Variants in PTPRD observed in about 807,000 individuals in gnomAD.
PTPRD encodes the protein receptor-type tyrosine-protein phosphatase delta.
PTPRD carries 34 observed loss-of-function variants against 214.5 expected under a neutral mutation model. The observed-to-expected ratio is 0.16, with a 90% CI of 0.12 to 0.21. The LOEUF is 0.21. Among genes scored for constraint, PTPRD ranks in the 10% least tolerant of loss-of-function variants. PTPRD has a pLI of 1.00. For missense variants in PTPRD, 2,545 were observed against 2,398.7 expected (o/e 1.06, Z -1.27); for synonymous variants, 1,128 against 845.7 (o/e 1.33, Z -5.79).
chr9:8,358,616 T>C (rs1047881856), intron 39 of PTPRD, among the ~76,000 whole-genome samples: 6 of 152,190 alleles, frequency 3.9e-5, no homozygotes, highest in Admixed American at 1.3e-4. Context: ...TTTTAAATAA[T>C]AGCTTCTTGA....
intron 11 of PTPRD, among the ~76,000 whole-genome samples, chr9:8,821,711 G>T (rs929323205): frequency 1.3e-5 from 2 of 152,158 alleles, no homozygotes; most frequent in African/African-American, 4.8e-5. Flanking sequence ...TGTTGCCCAG[G>T]CTGGATTGCA....
At chr9:9,482,158 T>G (rs991787451) in intron 8 of PTPRD, among the ~76,000 whole-genome samples, 1 of 151,912 alleles carries the variant, frequency 6.6e-6, no homozygotes, top group African/African-American at 2.4e-5. Flanking sequence ...GTAAGATCTT[T>G]TGGGGAGAGG....
chr9:10,390,923 T>G (rs1245023107), intron 2 of PTPRD, among the ~76,000 whole-genome samples: 16 of 151,842 alleles, frequency 1.1e-4, no homozygotes, highest in Admixed American at 1.1e-3. Context: ...ATTGGTCCAC[T>G]ACCAACATCT....
chr9:8,393,465 T>C (rs1157605700), intron 36 of PTPRD, among the ~76,000 whole-genome samples: 1 of 152,146 alleles, frequency 6.6e-6, no homozygotes, highest in Non-Finnish European at 1.5e-5. Flanking sequence ...GCGAAGGAGC[T>C]ATTAAAACAG....
intron 3 of PTPRD, among the ~76,000 whole-genome samples, chr9:10,286,889 G>A (rs1049550096): frequency 1.3e-5 from 2 of 152,216 alleles, no homozygotes; most frequent in South Asian, 2.1e-4. Context: ...ATAACCCACC[G>A]TGCACAGCCT....
At chr9:8,531,466 G>A (rs1345848771) in intron 14 of PTPRD, among the ~76,000 whole-genome samples, 2 of 151,974 alleles carry the variant, frequency 1.3e-5, no homozygotes, top group Non-Finnish European at 2.9e-5. Flanking sequence ...GACACAAAGT[G>A]CTTCAAAGGA....
In PTPRD at chr9:8,384,054, C is replaced by T. The variant is rs1372582596; in HGVS notation, c.4386+5178G>A. The stretch of plus-strand genomic sequence containing the variant: ...ATGAAGGGAAAAAGGTGAACACTCA[C>T]ACACTAAATAATAATTTAATATACA... On this transcript the variant is annotated intron_variant, in intron 37 of 45. Transcript: ENST00000381196. 3.3e-5 allele frequency among the ~76,000 whole-genome samples: 5 copies of T among 152,160 alleles called. No individual in the cohort carries two copies. The East Asian group carries it at 9.7e-4, about 29-fold the overall frequency.
chr9:9,974,453 A>G (rs7873893), intron 4 of PTPRD, among the ~76,000 whole-genome samples: 116,990 of 152,032 alleles, frequency 0.77, 45,524 homozygotes, highest in Middle Eastern at 0.89. Flanking sequence ...CCTTTCCACA[A>G]CAGTTCTTTG....
At chr9:9,338,530 C>G (rs2045507476) in intron 9 of PTPRD, among the ~76,000 whole-genome samples, 1 of 151,966 alleles carries the variant, frequency 6.6e-6, no homozygotes, top group African/African-American at 2.4e-5. Context: ...TTCTTTTTCA[C>G]AGAAACTGGT....
chr9:10,531,094 T>C (rs933009933), intron 2 of PTPRD, among the ~76,000 whole-genome samples: 22 of 151,698 alleles, frequency 1.5e-4, no homozygotes, highest in Non-Finnish European at 2.8e-4. Context: ...GGATTGCAGG[T>C]GCAAGCCACC....
chr9:9,786,460 T>C (rs565426727), intron 5 of PTPRD, among the ~76,000 whole-genome samples: 57 of 152,250 alleles, frequency 3.7e-4, no homozygotes, highest in African/African-American at 1.3e-3. Context: ...GTAAAATAAA[T>C]TACCACATAA....
At chr9:9,409,932 T>C (rs1453013355) in intron 8 of PTPRD, among the ~76,000 whole-genome samples, 2 of 152,174 alleles carry the variant, frequency 1.3e-5, no homozygotes, top group African/African-American at 2.4e-5. Flanking sequence ...TTTAAAAGCA[T>C]ATGAATAAAT....
chr9:9,691,018 T>A (rs2097260880), intron 7 of PTPRD, among the ~76,000 whole-genome samples: 1 of 151,934 alleles, frequency 6.6e-6, no homozygotes. Context: ...TTTTAATTTT[T>A]GTGGGTACAT....
chr9:9,680,072 G>C (rs947295438), intron 7 of PTPRD, among the ~76,000 whole-genome samples: 2 of 151,870 alleles, frequency 1.3e-5, no homozygotes, highest in African/African-American at 4.8e-5. Context: ...TGGTATCAGG[G>C]AAACAATGAA....
chr9:9,160,728 G>A (rs2099886597), intron 10 of PTPRD, among the ~76,000 whole-genome samples: 1 of 152,154 alleles, frequency 6.6e-6, no homozygotes, highest in Non-Finnish European at 1.5e-5. Flanking sequence ...ATATCTGCAT[G>A]CTCATGTGCA....
chr9:8,319,797 C>T (rs2130690921), intron 45 of PTPRD, 34 bp downstream of exon 45: 1 of 1,611,350 alleles, frequency 6.2e-7, no homozygotes, highest in Non-Finnish European at 8.5e-7. Context: ...AACGTAGGCT[C>T]TTGAGATGCG....
intron 11 of PTPRD, among the ~76,000 whole-genome samples, chr9:8,923,394 T>C (rs539765390): frequency 6.6e-6 from 1 of 151,838 alleles, no homozygotes; most frequent in Non-Finnish European, 1.5e-5. Context: ...GAGCAAGCAA[T>C]AAAACGAGTC....
chr9:8,506,526 C>A (rs911499192), intron 22 of PTPRD, among the ~76,000 whole-genome samples: 6 of 152,174 alleles, frequency 3.9e-5, no homozygotes. Context: ...AGACTCAAAT[C>A]CCAGCTCTGC....
chr9:9,371,329 G>C (rs1429936509), intron 9 of PTPRD, among the ~76,000 whole-genome samples: 2 of 152,108 alleles, frequency 1.3e-5, no homozygotes, highest in Admixed American at 6.6e-5. Flanking sequence ...CTTCTTCCTG[G>C]TTTAGCGTTG....
Sources: allele counts gnomAD v4.1 joint callset (sites outside exome capture counted in the v4.1 genomes callset), GRCh38; gene constraint gnomAD v4.1.1; transcripts MANE v1.5; gene names NCBI Gene and HGNC (gene_info 2026-07-23, HGNC 2026-07-21).